KCNAB2: variants seen among roughly 807,000 people sequenced by gnomAD.
The protein encoded by KCNAB2 is voltage-gated potassium channel subunit beta-2.
KCNAB2 carries 29 observed loss-of-function variants against 63.6 expected under a neutral mutation model. That is an observed-to-expected ratio of 0.46 (90% CI 0.34 to 0.62). KCNAB2 has a LOEUF of 0.62. Among genes scored for constraint, KCNAB2 ranks in the 20% least tolerant of loss-of-function variants. The probability of loss-of-function intolerance (pLI) is 0.01; values close to 1 mark genes in which losing one functional copy is unlikely to be tolerated. For missense variants in KCNAB2, 359 were observed against 563.9 expected, an observed-to-expected ratio of 0.64 and a Z score of 3.68; for synonymous variants, 222 against 224.2, an observed-to-expected ratio of 0.99 and a Z score of 0.09.
At chr1:5,998,452 G>A (rs1028676018) in intron 1 of KCNAB2, among the ~76,000 whole-genome samples, 2 of 152,184 alleles carry the variant, frequency 1.3e-5, no homozygotes, top group African/African-American at 4.8e-5. Context: ...AGAAGGTAGG[G>A]CTGGGGTTCA....
upstream of KCNAB2, among the ~76,000 whole-genome samples, chr1:6,043,668 A>G (rs1221871730): frequency 6.6e-6 from 1 of 152,052 alleles, no homozygotes; most frequent in Non-Finnish European, 1.5e-5. Context: ...CCCTCATCAC[A>G]CCAAGCATAC....
chr1:6,050,251 G>A (rs1661274314), intron 1 of KCNAB2, among the ~76,000 whole-genome samples: 1 of 152,216 alleles, frequency 6.6e-6, no homozygotes, highest in African/African-American at 2.4e-5. Flanking sequence ...GGATCCCACT[G>A]TGCAGCTGAC....
Position 6,055,835 on chromosome 1 carries a change from G to T in KCNAB2, c.218+4081G>T, listed in dbSNP as rs571399345. On this transcript the variant is annotated intron_variant, in intron 2 of 15. Coordinates refer to ENST00000378083, the MANE Select transcript of KCNAB2 (RefSeq NM_001199862.2). The stretch of plus-strand genomic sequence containing the variant: ...AGACCACCAGTTATTAAAGATCCCA[G>T]ATAAATTTATTCTGTGCTTACCTCT... 2.6e-5 allele frequency among the ~76,000 whole-genome samples: 4 copies of T among 152,332 alleles called. No homozygotes were observed. In the South Asian group the frequency reaches 8.3e-4, roughly 32 times the overall value.
At position 6,096,382 on chromosome 1, in the gene KCNAB2, TG is replaced by T; in HGVS notation, c.949-251del. 3.6e-6 allele frequency: 2 copies of T among 561,794 alleles called. No individual in the cohort carries two copies. The highest frequency in any genetic ancestry group is 6.2e-5 in the East Asian group (2 of 32,426). 34.8% of individuals were successfully genotyped at this position (561,794 alleles called of 1,614,324 possible). Reference sequence around the variant, plus strand: ...TCGCCTCCTTGTCCTGACTTGGGGTTGGGCCAGCACCACAGTCTTTGCACTT... The same window carrying T: ...TCGCCTCCTTGTCCTGACTTGGGGTTGGCCAGCACCACAGTCTTTGCACTT... On this transcript the variant is annotated intron_variant, in intron 13 of 15. Coordinates refer to ENST00000378083, the MANE Select transcript of KCNAB2 (RefSeq NM_001199862.2). The surrounding 1 kb of genome is among the most constrained non-coding windows in gnomAD (Gnocchi z 5.9).
At chr1:6,041,763 T>A, upstream of KCNAB2, 1 of 1,422,798 alleles carries the variant, frequency 7.0e-7, no homozygotes. Flanking sequence ...CTGGGGTTGA[T>A]GCCAACTGTG....
At chr1:6,060,411 C>T (rs916489168) in intron 2 of KCNAB2, among the ~76,000 whole-genome samples, 22 of 152,220 alleles carry the variant, frequency 1.4e-4, no homozygotes, top group African/African-American at 4.3e-4. Context: ...GGAAGGCCAC[C>T]GGCCCTGCCT....
chr1:6,031,815 A>C (rs1659648102), upstream of KCNAB2, among the ~76,000 whole-genome samples: 1 of 151,992 alleles, frequency 6.6e-6, no homozygotes, highest in Non-Finnish European at 1.5e-5. The surrounding 1 kb of genome is among the most constrained non-coding windows in gnomAD (Gnocchi z 4.1). Context: ...CTTGAGCCCC[A>C]TAGGTCAGGG....
chr1:6,096,048 G>C lies in KCNAB2; in HGVS notation c.948+424G>C, dbSNP rs1166489923. ...CGCCCCTCCCCACCACACAACCTCT[G>C]AGTGGGGACTCAGGAGGGTCCCCAG... On this transcript the variant is annotated intron_variant, in intron 13 of 15. Coordinates refer to ENST00000378083, the MANE Select transcript of KCNAB2 (RefSeq NM_001199862.2). The surrounding 1 kb of genome is among the most constrained non-coding windows in gnomAD (Gnocchi z 5.9). 1 of 459,566 alleles carries C rather than the reference G, an allele frequency of 2.2e-6. No homozygotes were observed. Among genetic ancestry groups the C allele is most frequent in the East Asian group, 6.9e-5 (1 of 14,548 alleles). The allele number at this position is 459,566 out of a possible 1,614,324, so 28.5% of individuals were successfully genotyped here.
chr1:6,098,517 C>T lies in KCNAB2; in HGVS notation c.1191C>T (p.His397=), dbSNP rs758209251. The T allele has an allele frequency of 3.1e-6, 5 of 1,613,960 alleles. No individual in the cohort carries two copies. The highest frequency in any genetic ancestry group is 2.2e-5 in the South Asian group (2 of 91,086). ...VLPKLSSSII[H]EIDSILGNKP... ...CGAAACTGTCATCTTCCATTATCCACGAGATTGATAGTATTTTGGGCAATA... is the reference window on the plus strand; with the variant it reads ...CGAAACTGTCATCTTCCATTATCCATGAGATTGATAGTATTTTGGGCAATA... The change falls in exon 16 of 16, where the codon CAC becomes CAT. Residue 397 remains histidine, a synonymous_variant. Coordinates refer to ENST00000378083, the MANE Select transcript of KCNAB2 (RefSeq NM_001199862.2).
chr1:6,029,790 C>G (rs373113433), upstream of KCNAB2, among the ~76,000 whole-genome samples: 1 of 152,242 alleles, frequency 6.6e-6, no homozygotes, highest in South Asian at 2.1e-4. Flanking sequence ...CTGAGTGGGC[C>G]TAACCTCCTT....
intron 1 of KCNAB2, among the ~76,000 whole-genome samples, chr1:6,048,084 C>T (rs1661078344): frequency 6.6e-6 from 1 of 152,244 alleles, no homozygotes; most frequent in African/African-American, 2.4e-5. Flanking sequence ...TCTCCCCTCT[C>T]CCACTCACAT....
At chr1:6,001,580 G>T (rs1657264951) in intron 1 of KCNAB2, among the ~76,000 whole-genome samples, 1 of 152,134 alleles carries the variant, frequency 6.6e-6, no homozygotes, top group African/African-American at 2.4e-5. Context: ...ATGGGGGTGG[G>T]TCTCTGAAGA....
At chr1:6,090,158 C>T (rs993170580) in intron 8 of KCNAB2, among the ~76,000 whole-genome samples, 4 of 152,216 alleles carry the variant, frequency 2.6e-5, no homozygotes, top group African/African-American at 4.8e-5. Flanking sequence ...GTCAAGGACA[C>T]GTGGCCTGTG....
chr1:6,090,065 T>C (rs895817426), intron 8 of KCNAB2, among the ~76,000 whole-genome samples: 3 of 152,108 alleles, frequency 2.0e-5, no homozygotes, highest in Non-Finnish European at 2.9e-5. Flanking sequence ...ATGTGATAGA[T>C]AAAGTCATCT....
intron 2 of KCNAB2, 93 bp downstream of exon 2, chr1:6,051,847 T>A: frequency 7.3e-7 from 1 of 1,361,848 alleles, no homozygotes; most frequent in Non-Finnish European, 9.8e-7. Flanking sequence ...TTCACACCTG[T>A]AATCCCAGCA....
chr1:6,030,834 A>G (rs1269101592), upstream of KCNAB2, among the ~76,000 whole-genome samples: 2 of 148,448 alleles, frequency 1.3e-5, no homozygotes, highest in East Asian at 4.0e-4. Flanking sequence ...ATGTGTAAGT[A>G]TATGTGTGTA....
chr1:6,049,205 C>A (rs907331297), intron 1 of KCNAB2, among the ~76,000 whole-genome samples: 2 of 152,228 alleles, frequency 1.3e-5, no homozygotes, highest in African/African-American at 4.8e-5. Flanking sequence ...CAGGTATAGC[C>A]CTGGTTGGCC....
intron 1 of KCNAB2, among the ~76,000 whole-genome samples, chr1:6,015,032 T>TG (rs1240351202): frequency 1.5e-4 from 21 of 143,172 alleles, no homozygotes; most frequent in Non-Finnish European, 2.7e-4. Flanking sequence ...TTTTTTTTTT[T>TG]TTTTTTTTTT....
rs1663873186 is a variant in KCNAB2 at position 6,078,381 on chromosome 1, TGATACCTTTGGA to T, written c.301-3811_301-3800del. Among the ~76,000 whole-genome samples the T allele has an allele frequency of 1.3e-5, 2 of 151,868 alleles. No homozygotes were observed. The highest frequency in any genetic ancestry group is 1.3e-4 in the Admixed American group (2 of 15,260). ...GTCACATTCCCAGGTTCCAGGGACG[TGATACCTTTGGA>T]GAACCATTATTTAGTTGACTGCAGA... On this transcript the variant is annotated intron_variant, in intron 4 of 15. Transcript: ENST00000378083. This position sits in a 1 kb window ranked among gnomAD's most constrained non-coding sequence, Gnocchi z 4.2.
Sources: gnomAD v4.1 joint callset for allele counts (sites outside exome capture counted in the v4.1 genomes callset) on GRCh38, gnomAD v4.1.1 for gene constraint, Gnocchi (gnomAD v3.1) non-coding constraint, MANE v1.5 for transcripts, NCBI Gene and HGNC (gene_info 2026-07-23, HGNC 2026-07-21) for gene names.